GABRA6: variants seen among roughly 807,000 people sequenced by gnomAD.
The protein encoded by GABRA6 is gamma-aminobutyric acid type A receptor subunit alpha6.
A neutral mutation model predicts 47.3 loss-of-function variants in GABRA6; 45 were observed. The observed-to-expected ratio is 0.95, with a 90% CI of 0.75 to 1.22. GABRA6 has a LOEUF of 1.22. Among genes scored for constraint, GABRA6 ranks in the 50% most tolerant of loss-of-function variants. The pLI is 0.00. For missense variants in GABRA6, 583 were observed against 549.3 expected (o/e 1.06, Z -0.61); for synonymous variants, 219 against 194.7 (o/e 1.12, Z -1.04).
intron 8 of GABRA6, among the ~76,000 whole-genome samples, chr5:161,698,005 T>C (rs1291340675): frequency 6.6e-6 from 1 of 152,210 alleles, no homozygotes; most frequent in African/African-American, 2.4e-5. Flanking sequence ...TATAATGTAA[T>C]ATAAAAGTGC....
At position 161,689,730 on chromosome 5, in the gene GABRA6, T is replaced by C. The variant is rs1754760728; in HGVS notation, c.624T>C (p.Tyr208=). ...VPEESSSLLQ[Y]DLIGQTVSSE... is the part of the protein sequence containing the mutation. ...AAGAATCTTCAAGCCTTCTCCAGTA[T>C]GATCTGATTGGACAAACAGTATCTA... The change falls in exon 6 of 9, where the codon TAT becomes TAC. Residue 208 remains tyrosine, a synonymous_variant. Coordinates refer to ENST00000274545, the MANE Select transcript of GABRA6 (RefSeq NM_000811.3). 1.9e-6 allele frequency: 3 copies of C among 1,613,192 alleles called. No individual in the cohort carries two copies. Among genetic ancestry groups the C allele is most frequent in the African/African-American group, 1.3e-5 (1 of 74,928 alleles).
At chr5:161,700,965 T>A (rs1354571100) in intron 8 of GABRA6, among the ~76,000 whole-genome samples, 1 of 152,210 alleles carries the variant, frequency 6.6e-6, no homozygotes, top group Non-Finnish European at 1.5e-5. Context: ...ATTTTTTAAA[T>A]CCTTAAATCA....
At chr5:161,687,498 T>C (rs1490546499) in intron 3 of GABRA6, 1 of 456,120 alleles carries the variant, frequency 2.2e-6, no homozygotes, top group Non-Finnish European at 4.4e-6. Context: ...GATGGACCAG[T>C]AGGTGTTCTG....
chr5:161,690,201 G>C lies in GABRA6; in HGVS notation c.674G>C (p.Gly225Ala), dbSNP rs961077299. ...VSSETIKSNT[G>A]EYVIMTVYFH... ...TACTGATGTATGTGTCTTCCAACAG[G>C]TGAATACGTTATAATGACAGTTTAC... Residue 225 changes from glycine to alanine, a missense_variant and splice_region_variant, in exon 7 of 9, where the codon GGT (glycine) becomes GCT (alanine). By Grantham distance (60) the Gly-to-Ala change is moderately conservative (BLOSUM62 0). Transcript: ENST00000274545. 2.5e-6 allele frequency: 4 copies of C among 1,613,302 alleles called. No homozygotes were observed.
chr5:161,691,856 G>A lies in GABRA6; in HGVS notation c.827-85G>A, dbSNP rs181423975. On this transcript the variant is annotated intron_variant, in intron 7 of 8. Coordinates refer to ENST00000274545, the MANE Select transcript of GABRA6 (RefSeq NM_000811.3). ...TGACTTTGCCTTGGTAGAGTTTTTTGTCTTCTCCTCTGACACATTCTCATT... is the reference window on the plus strand; with the variant it reads ...TGACTTTGCCTTGGTAGAGTTTTTTATCTTCTCCTCTGACACATTCTCATT... 5.0e-3 allele frequency: 6,191 copies of A among 1,245,146 alleles called. 24 individuals carry two copies. Among genetic ancestry groups the A allele is most frequent in the Non-Finnish European group, 6.3e-3 (5,455 of 861,304 alleles). 77.1% of individuals were successfully genotyped at this position (1,245,146 alleles called of 1,614,324 possible).
intron 3 of GABRA6, among the ~76,000 whole-genome samples, chr5:161,688,377 A>G (rs1383831523): frequency 6.6e-6 from 1 of 152,190 alleles, no homozygotes; most frequent in African/African-American, 2.4e-5. Context: ...TTGATGATAC[A>G]TACTTAAATG....
At chr5:161,696,889 A>G (rs146335707) in intron 8 of GABRA6, among the ~76,000 whole-genome samples, 48 of 152,306 alleles carry the variant, frequency 3.2e-4, no homozygotes, top group African/African-American at 1.1e-3. Flanking sequence ...CTTTCTAAAA[A>G]CAAATGCTTG....
At chr5:161,686,866 G>A in intron 2 of GABRA6, 70 bp from the exon 3 acceptor site, 1 of 1,306,972 alleles carries the variant, frequency 7.7e-7, no homozygotes, top group Non-Finnish European at 1.1e-6. Context: ...GGGTTTGGTG[G>A]TAGAGGGCTG....
intron 2 of GABRA6, among the ~76,000 whole-genome samples, 178 bp downstream of exon 2, chr5:161,686,526 G>A (rs948162715): frequency 6.6e-6 from 1 of 152,150 alleles, no homozygotes; most frequent in African/African-American, 2.4e-5. Context: ...CCTTGTTCAA[G>A]TTATCTGAAC....
At chr5:161,686,115 A>G in intron 1 of GABRA6, 88 bp downstream of exon 1, 2 of 1,426,158 alleles carry the variant, frequency 1.4e-6, no homozygotes, top group East Asian at 4.5e-5. Context: ...ATATCAAATC[A>G]TGAAAGAGGC....
Position 161,689,187 on chromosome 5 carries a change from C to T in GABRA6, c.446+18C>T, listed in dbSNP as rs376732783. 9 of 1,611,794 alleles carry T rather than the reference C, an allele frequency of 5.6e-6. No homozygotes were observed. Among genetic ancestry groups the T allele is most frequent in the African/African-American group, 2.7e-5 (2 of 74,874 alleles). On this transcript the variant is annotated intron_variant, in intron 4 of 8. Coordinates refer to ENST00000274545, the MANE Select transcript of GABRA6 (RefSeq NM_000811.3). ...ACCATGAGGTGAGGTTTCTCCAATT[C>T]TATTTCCCCTGCCTAAATGATATGT...
Position 161,701,735 on chromosome 5 carries a change from T to A in GABRA6, c.1324T>A (p.Ser442Thr), listed in dbSNP as rs1206640757. 1 of 1,614,216 alleles carries A rather than the reference T, an allele frequency of 6.2e-7. No individual in the cohort carries two copies. Among genetic ancestry groups the A allele is most frequent in the Non-Finnish European group, 8.5e-7 (1 of 1,180,018 alleles). ...FNLVYWVVYLSKDTMEVSSSV... is the reference protein window; with the variant it reads ...FNLVYWVVYLTKDTMEVSSSV... ...CCTTGTGTACTGGGTAGTTTATCTTTCCAAAGATACAATGGAAGTCAGTAG... is the reference window on the plus strand; with the variant it reads ...CCTTGTGTACTGGGTAGTTTATCTTACCAAAGATACAATGGAAGTCAGTAG... Residue 442 changes from serine (S) to threonine (T), a missense_variant, in exon 9 of 9, where the codon TCC (serine) becomes ACC (threonine). Transcript: ENST00000274545.
chr5:161,702,009 T>C lies in GABRA6; in HGVS notation c.*236T>C, dbSNP rs926219025. 9 of 535,280 alleles carry C rather than the reference T, an allele frequency of 1.7e-5. No individual in the cohort carries two copies. The highest frequency in any genetic ancestry group is 1.5e-4 in the African/African-American group (8 of 52,848). 33.2% of individuals were successfully genotyped at this position (535,280 alleles called of 1,614,324 possible). A position where few individuals can be genotyped will look rare whatever the true frequency, so the allele number is the denominator to read the frequency against. On this transcript the variant is annotated 3_prime_UTR_variant, in exon 9 of 9. Transcript: ENST00000274545. ...TTTTCTGTATGTTAGAGAAAAACTTTATGAGGATGAAATGGGTTCAAGATG... is the reference window on the plus strand; with the variant it reads ...TTTTCTGTATGTTAGAGAAAAACTTCATGAGGATGAAATGGGTTCAAGATG...
chr5:161,700,576 AC>A (rs1370592483), intron 8 of GABRA6, among the ~76,000 whole-genome samples: 4 of 152,158 alleles, frequency 2.6e-5, no homozygotes, highest in African/African-American at 4.8e-5. Context: ...ACTGAAATTG[AC>A]CATTGGAGTT....
chr5:161,690,314 T>TG lies in GABRA6; in HGVS notation c.789dup (p.Ile264AspfsTer2), dbSNP rs1449729455. The TG allele has an allele frequency of 1.4e-5, 23 of 1,613,762 alleles. No homozygotes were observed. The highest frequency in any genetic ancestry group is 1.9e-5 in the Non-Finnish European group (22 of 1,179,910). ...AGTCATTCTTTCCCAGGTGTCTTTC[T>TG]GGATTAATAAGGAGTCCGTCCCAGC... On this transcript the variant is annotated frameshift_variant, in exon 7 of 9. Transcript: ENST00000274545. LOFTEE classifies it high-confidence loss of function.
In GABRA6 at chr5:161,686,004, G is replaced by T. The variant is rs370922712; in HGVS notation, c.15G>T (p.Leu5=). MASS[L]PWLCIILWLE... ...TGCACTGCAGGATGGCGTCGTCTCT[G>T]CCCTGGCTGTGCATTATTCTGTGGT... The change falls in exon 1 of 9, where the codon CTG becomes CTT. Residue 5 remains leucine (L), a synonymous_variant. Coordinates refer to ENST00000274545, the MANE Select transcript of GABRA6 (RefSeq NM_000811.3). 2.8e-4 allele frequency: 444 copies of T among 1,613,972 alleles called. No individual in the cohort carries two copies. The highest frequency in any genetic ancestry group is 8.3e-4 in the Middle Eastern group (5 of 6,060).
chr5:161,689,682 A>T lies in GABRA6; in HGVS notation c.576A>T (p.Pro192=). ...SEIIYTWKKG[P]LYSVEVPEES... ...TCATATATACGTGGAAAAAAGGACC[A>T]CTTTACTCAGTAGAAGTCCCAGAAG... is the stretch of plus-strand genomic sequence containing the variant. The change falls in exon 6 of 9, where the codon CCA becomes CCT. Residue 192 remains proline (P), a synonymous_variant. Transcript: ENST00000274545. The T allele has an allele frequency of 6.2e-7, 1 of 1,611,184 alleles. No homozygotes were observed. The highest frequency in any genetic ancestry group is 8.5e-7 in the Non-Finnish European group (1 of 1,177,362).
rs780168026 is a variant in GABRA6, at chr5:161,692,080, A to T, written c.966A>T (p.Ala322=). 6.2e-7 allele frequency: 1 copy of T among 1,614,148 alleles called. No homozygotes were observed. The highest frequency in any genetic ancestry group is 1.7e-5 in the Admixed American group (1 of 60,016). ...TCTTCTCTGCGCTTATCGAGTTCGC[A>T]GCTGTCAACTACTTTACCAATCTTC... ...AFVFSALIEF[A]AVNYFTNLQT... The change falls in exon 8 of 9, where the codon GCA becomes GCT. Residue 322 remains alanine (A), a synonymous_variant. Transcript: ENST00000274545.
At position 161,692,247 on chromosome 5, in the gene GABRA6, C is replaced by G. The variant is rs751675134; in HGVS notation, c.1086+47C>G. ...CATTACCTACCGTAGGAAAAAGCAG[C>G]CTAAATAGTGATCAGAAACAACGAA... is the stretch of plus-strand genomic sequence containing the variant. On this transcript the variant is annotated intron_variant, in intron 8 of 8. Transcript: ENST00000274545. The G allele has an allele frequency of 1.9e-6, 3 of 1,610,372 alleles. No individual in the cohort carries two copies. In the East Asian group the frequency reaches 6.7e-5, roughly 36 times the overall value.
Sources: allele counts gnomAD v4.1 joint callset (sites outside exome capture counted in the v4.1 genomes callset), GRCh38; gene constraint gnomAD v4.1.1; transcripts MANE v1.5; gene names NCBI Gene and HGNC (gene_info 2026-07-23, HGNC 2026-07-21).